PIWIL1: variants seen among roughly 807,000 people sequenced by gnomAD.
PIWIL1 encodes the protein piwi like RNA-mediated gene silencing 1, also known as piwi-like protein 1.
A neutral mutation model predicts 114.4 loss-of-function variants in PIWIL1; 73 were observed. The observed-to-expected ratio is 0.64, with a 90% CI of 0.53 to 0.78. The LOEUF (loss-of-function observed/expected upper bound fraction) is 0.78, where lower values mean the gene tolerates loss of function less well. Among genes scored for constraint, PIWIL1 ranks in the 30% least tolerant of loss-of-function variants. The pLI, the probability that PIWIL1 is intolerant of heterozygous loss-of-function variation, is 0.00. For missense variants in PIWIL1, 723 were observed against 1,063.1 expected, an observed-to-expected ratio of 0.68 and a Z score of 4.45; for synonymous variants, 375 against 369.0, an observed-to-expected ratio of 1.02 and a Z score of -0.19.
At chr12:130,415,843 A>G in the PIWIL1 span, among the ~76,000 whole-genome samples, 1 of 152,224 alleles carries the variant, frequency 6.6e-6, no homozygotes, top group African/African-American at 2.4e-5. Context: ...CCAATAGACA[A>G]TTTCAATAAA....
rs532198358 is a variant in PIWIL1, at chr12:130,355,687, GTGTTGT to G, written c.1404+28_1404+33del. 6.5e-7 allele frequency: 1 copy of G among 1,534,310 alleles called. No homozygotes were observed. Among genetic ancestry groups the G allele is most frequent in the African/African-American group, 1.4e-5 (1 of 73,358 alleles). The stretch of plus-strand genomic sequence containing the variant: ...AAAACAGTAAGGCAGTTTTTCGTTG[GTGTTGT>G]TGTTGTTTTTGAGACGGAGTCTCGC... On this transcript the variant is annotated intron_variant, in intron 12 of 20. Coordinates refer to ENST00000245255, the MANE Select transcript of PIWIL1 (RefSeq NM_004764.5).
the PIWIL1 span, among the ~76,000 whole-genome samples, chr12:130,406,459 C>T: frequency 6.6e-5 from 10 of 152,174 alleles, no homozygotes; most frequent in African/African-American, 2.2e-4. Flanking sequence ...AAGGAAAATG[C>T]TGCAGTGCTT....
At position 130,341,062 on chromosome 12, in the gene PIWIL1, G is replaced by A. The variant is rs530578894; in HGVS notation, c.-12-1518G>A. On this transcript the variant is annotated intron_variant, in intron 1 of 20. Coordinates refer to ENST00000245255, the MANE Select transcript of PIWIL1 (RefSeq NM_004764.5). ...TTTTAGAAGCTGTTAAAACTCAGAG[G>A]ATGAAAAAGATAATGTGATTTAAGG... 2.0e-5 allele frequency among the ~76,000 whole-genome samples: 3 copies of A among 152,304 alleles called. No homozygotes were observed. The East Asian group carries it at 5.8e-4, about 29-fold the overall frequency.
chr12:130,395,171 T>A, the PIWIL1 span, among the ~76,000 whole-genome samples: 2 of 152,208 alleles, frequency 1.3e-5, no homozygotes, highest in Non-Finnish European at 2.9e-5. Context: ...CTGTACAGTT[T>A]GGGCTTCCAC....
intron 14 of PIWIL1, among the ~76,000 whole-genome samples, chr12:130,360,342 A>C (rs538661522): frequency 2.0e-5 from 3 of 152,282 alleles, no homozygotes; most frequent in African/African-American, 7.2e-5. Context: ...AATGAGTTAC[A>C]AGCTGGATTC....
At chr12:130,383,939 TAC>T in the PIWIL1 span, 3 of 152,256 alleles carry the variant, frequency 2.0e-5, no homozygotes, top group South Asian at 4.1e-4. Flanking sequence ...AACTTGATCA[TAC>T]TATTTTATAA....
chr12:130,412,627 T>C, the PIWIL1 span: 1 of 1,613,646 alleles, frequency 6.2e-7, no homozygotes, highest in Non-Finnish European at 8.5e-7. Context: ...ACCTATTTTC[T>C]CCACAGGTGT....
intron 1 of PIWIL1, among the ~76,000 whole-genome samples, chr12:130,338,818 C>T (rs1378685647): frequency 1.2e-5 from 1 of 86,012 alleles, no homozygotes; most frequent in Non-Finnish European, 2.2e-5. Context: ...CGGGGGGAAG[C>T]GCTGAGGCCC....
the PIWIL1 span, among the ~76,000 whole-genome samples, chr12:130,410,190 C>T: frequency 0.083 from 12,621 of 152,200 alleles, 726 homozygotes; most frequent in South Asian, 0.2. Context: ...TCGTCTTTGG[C>T]GAAAGGTCAC....
the PIWIL1 span, chr12:130,412,791 G>C: frequency 6.2e-7 from 1 of 1,607,346 alleles, no homozygotes; most frequent in East Asian, 2.2e-5. Context: ...CATAAACCTA[G>C]AGCCAAGGGG....
intron 1 of PIWIL1, among the ~76,000 whole-genome samples, chr12:130,340,086 G>A (rs1032641401): frequency 6.6e-6 from 1 of 152,142 alleles, no homozygotes; most frequent in African/African-American, 2.4e-5. Flanking sequence ...ATGTAGTAGG[G>A]TGACCGTGGT....
chr12:130,394,459 AG>A, the PIWIL1 span, among the ~76,000 whole-genome samples: 1 of 152,238 alleles, frequency 6.6e-6, no homozygotes. Context: ...AAAAATGTTT[AG>A]AAGTATATCT....
chr12:130,348,241 G>A (rs1174852496), intron 7 of PIWIL1, 58 bp downstream of exon 7: 7 of 971,918 alleles, frequency 7.2e-6, no homozygotes, highest in African/African-American at 3.3e-5. Context: ...CTTTTGAGAC[G>A]ATAACCTAAT....
At chr12:130,414,087 G>A in the PIWIL1 span, 1 of 1,608,218 alleles carries the variant, frequency 6.2e-7, no homozygotes, top group South Asian at 1.1e-5. Context: ...ACCCGCCTCA[G>A]GGGCTGATGA....
chr12:130,345,458 C>T (rs753787679), intron 3 of PIWIL1: 10 of 275,280 alleles, frequency 3.6e-5, no homozygotes, highest in Non-Finnish European at 6.2e-5. Context: ...TGCTCCTGCA[C>T]TCTTGCACCA....
At chr12:130,388,105 G>A in the PIWIL1 span, among the ~76,000 whole-genome samples, 1 of 152,064 alleles carries the variant, frequency 6.6e-6, no homozygotes, top group Non-Finnish European at 1.5e-5. Context: ...CTTTCCTGAA[G>A]AATGTCTTCT....
At chr12:130,406,258 CAT>C in the PIWIL1 span, 1 of 1,564,832 alleles carries the variant, frequency 6.4e-7, no homozygotes. Context: ...GGAGATGAAA[CAT>C]AAAATTAATC....
chr12:130,409,863 G>GT, the PIWIL1 span, among the ~76,000 whole-genome samples: 7 of 152,210 alleles, frequency 4.6e-5, no homozygotes, highest in Non-Finnish European at 2.9e-5. Context: ...TTCATGTACA[G>GT]TTTTTTTGTG....
chr12:130,352,192 T>C (rs1485741235), intron 9 of PIWIL1, among the ~76,000 whole-genome samples: 1 of 152,212 alleles, frequency 6.6e-6, no homozygotes, highest in Non-Finnish European at 1.5e-5. Flanking sequence ...CCTTCTTAGA[T>C]TTTCTGGTAG....
Sources: gnomAD v4.1 joint callset for allele counts (sites outside exome capture counted in the v4.1 genomes callset) on GRCh38, gnomAD v4.1.1 for gene constraint, MANE v1.5 for transcripts, NCBI Gene and HGNC (gene_info 2026-07-23, HGNC 2026-07-21) for gene names.